Variants in HMX1 observed in about 807,000 individuals in gnomAD.
The protein encoded by HMX1 is H6 family homeobox 1, also known as homeobox protein HMX1.
HMX1 carries 8 observed loss-of-function variants against 8.9 expected under a neutral mutation model. That is an observed-to-expected ratio of 0.90 (90% CI 0.53 to 1.63). The LOEUF (loss-of-function observed/expected upper bound fraction) is 1.63. Among genes scored for constraint, HMX1 ranks in the 40% most tolerant of loss-of-function variants. The probability of loss-of-function intolerance (pLI) is 0.00; values close to 1 mark genes in which losing one functional copy is unlikely to be tolerated. For synonymous variants in HMX1, 311 were observed against 283.4 expected (o/e 1.10, Z -0.98); for missense variants, 621 against 558.5 (o/e 1.11, Z -1.13).
chr4:8,848,491 C>T lies in HMX1; in HGVS notation c.395-2167G>A, dbSNP rs955206277. Among the ~76,000 whole-genome samples the T allele has an allele frequency of 4.6e-5, 7 of 152,142 alleles. No homozygotes were observed. Among genetic ancestry groups the T allele is most frequent in the African/African-American group, 1.7e-4 (7 of 41,414 alleles). On this transcript the variant is annotated intron_variant, in intron 1 of 1. Transcript: ENST00000506970. This position sits in a 1 kb window ranked among gnomAD's most constrained non-coding sequence, Gnocchi z 4.1. ...ATCTAGGCAGAGTACTTGGAATGCC[C>T]TAGTTCAATCCCCTTGTTTTACAAA...
chr4:8,850,116 A>T (rs1721399751), intron 1 of HMX1, among the ~76,000 whole-genome samples: 1 of 152,198 alleles, frequency 6.6e-6, no homozygotes, highest in African/African-American at 2.4e-5. Flanking sequence ...GAGTGAAGGT[A>T]GACAGGGTGC....
chr4:8,857,819 C>A (rs1314330211), intron 1 of HMX1, among the ~76,000 whole-genome samples: 1 of 152,154 alleles, frequency 6.6e-6, no homozygotes, highest in Non-Finnish European at 1.5e-5. Flanking sequence ...CCTCCCCTTG[C>A]CCTTGCCCCT....
chr4:8,852,062 C>T (rs1276249476), intron 1 of HMX1, among the ~76,000 whole-genome samples: 1 of 152,250 alleles, frequency 6.6e-6, no homozygotes, highest in Non-Finnish European at 1.5e-5. Flanking sequence ...TCCAGGGTCT[C>T]CACCTCTCCT....
intron 1 of HMX1, among the ~76,000 whole-genome samples, chr4:8,869,751 CA>C (rs1307799314): frequency 6.6e-6 from 1 of 152,150 alleles, no homozygotes; most frequent in Non-Finnish European, 1.5e-5. Flanking sequence ...TGTGCTGCCA[CA>C]AGGCACTAGG....
chr4:8,864,556 CAG>C (rs1479054127), downstream of HMX1, among the ~76,000 whole-genome samples: 1 of 152,234 alleles, frequency 6.6e-6, no homozygotes, highest in Non-Finnish European at 1.5e-5. Flanking sequence ...GCTCAGGACT[CAG>C]AGGGGCCAGG....
intron 1 of HMX1, among the ~76,000 whole-genome samples, chr4:8,857,859 T>A (rs1721664235): frequency 6.6e-6 from 1 of 151,926 alleles, no homozygotes; most frequent in Non-Finnish European, 1.5e-5. Flanking sequence ...TCCAGGGTCA[T>A]CCACACGCGC....
chr4:8,871,436 G>A lies in HMX1; in HGVS notation c.179C>T (p.Ala60Val), dbSNP rs1189410094. ...DDPEDEDAEQ[A>V]RRRRLQRRRQ... ...CCGCCGCTGTAGCCGTCGCCGCCGC[G>A]CCTGCTCGGCGTCCTCGTCTTCGGG... is the stretch of plus-strand genomic sequence containing the variant. Residue 60 changes from alanine to valine, a missense_variant, in exon 1 of 2, where the codon GCG (alanine) becomes GTG (valine). Ala to Val is a moderately conservative substitution (Grantham distance 64). Coordinates refer to ENST00000400677, the MANE Select transcript of HMX1 (RefSeq NM_018942.3). This position sits in a 1 kb window ranked among gnomAD's most constrained non-coding sequence, Gnocchi z 4.8. 3 of 1,323,560 alleles carry A rather than the reference G, an allele frequency of 2.3e-6. No homozygotes were observed. The highest frequency in any genetic ancestry group is 3.3e-5 in the Admixed American group (1 of 30,542). 82.0% of individuals were successfully genotyped at this position (1,323,560 alleles called of 1,614,324 possible).
downstream of HMX1, among the ~76,000 whole-genome samples, chr4:8,866,235 TG>T (rs892277221): frequency 3.4e-4 from 52 of 152,324 alleles, no homozygotes; most frequent in African/African-American, 1.2e-3. Flanking sequence ...CTTGGCCGTC[TG>T]GCGCTACCTT....
intron 1 of HMX1, among the ~76,000 whole-genome samples, chr4:8,861,578 C>G (rs1368434656): frequency 2.0e-5 from 3 of 152,162 alleles, no homozygotes; most frequent in Non-Finnish European, 2.9e-5. Context: ...AGAAGACAGG[C>G]GAAGGGGACC....
rs889196143 is a variant in HMX1, at chr4:8,867,534, C to A, written c.*159G>T. The stretch of plus-strand genomic sequence containing the variant: ...ATTCTAGAGGCGCTCCCCACAGAAG[C>A]TGAGGCCCGCCCGGCCGCGGCCTGC... On this transcript the variant is annotated 3_prime_UTR_variant, in exon 2 of 2. Coordinates refer to ENST00000400677, the MANE Select transcript of HMX1 (RefSeq NM_018942.3). 8.4e-7 allele frequency: 1 copy of A among 1,186,958 alleles called. No homozygotes were observed. 73.5% of individuals were successfully genotyped at this position (1,186,958 alleles called of 1,614,324 possible). A position where few individuals can be genotyped will look rare whatever the true frequency, so the allele number is the denominator to read the frequency against.
Position 8,871,301 on chromosome 4 carries a change from G to C in HMX1, c.314C>G (p.Pro105Arg). The C allele has an allele frequency of 7.0e-7, 1 of 1,433,134 alleles. No individual in the cohort carries two copies. Among genetic ancestry groups the C allele is most frequent in the Admixed American group, 2.7e-5 (1 of 36,428 alleles). The allele number at this position is 1,433,134 out of a possible 1,614,324, so 88.8% of individuals were successfully genotyped here. The change falls in exon 1 of 2, where the codon CCC (proline) becomes CGC (arginine). Residue 105 changes from proline to arginine, a missense_variant. Pro to Arg is a moderately radical substitution (Grantham distance 103, BLOSUM62 -2). Coordinates refer to ENST00000400677, the MANE Select transcript of HMX1 (RefSeq NM_018942.3). This position sits in a 1 kb window ranked among gnomAD's most constrained non-coding sequence, Gnocchi z 4.8. The part of the protein sequence containing the change: ...GPRPPPGPGP[P>R]FALGCGGAAR... ...TGCGCCTCCGCAGCCCAGAGCGAAG[G>C]GCGGCCCGGGACCGGGGGGCGGCCG...
At chr4:8,855,475 G>C (rs1295210890) in intron 1 of HMX1, among the ~76,000 whole-genome samples, 1 of 152,206 alleles carries the variant, frequency 6.6e-6, no homozygotes, top group East Asian at 1.9e-4. Context: ...TGAGACTGCT[G>C]GGGGCCAGGC....
downstream of HMX1, among the ~76,000 whole-genome samples, chr4:8,862,715 A>G (rs749366186): frequency 6.6e-6 from 1 of 152,232 alleles, no homozygotes; most frequent in Non-Finnish European, 1.5e-5. Context: ...CTTCACTGCA[A>G]TGTCCAGATA....
rs1722031413 is a variant in HMX1 at position 8,867,291 on chromosome 4, G to C, written c.*402C>G. The C allele has an allele frequency of 1.6e-5, 16 of 988,498 alleles. No homozygotes were observed. The highest frequency in any genetic ancestry group is 1.9e-5 in the Non-Finnish European group (16 of 832,092). 61.2% of individuals were successfully genotyped at this position (988,498 alleles called of 1,614,324 possible). A position where few individuals can be genotyped will look rare whatever the true frequency, so the allele number is the denominator to read the frequency against. On this transcript the variant is annotated 3_prime_UTR_variant, in exon 2 of 2. Coordinates refer to ENST00000400677, the MANE Select transcript of HMX1 (RefSeq NM_018942.3). ...GTTTAGTGTTGGGGGCAGTCTGTGG[G>C]GACAGTCACCGCTCAGCCTTGGACA...
chr4:8,854,579 T>C (rs1235532272), intron 1 of HMX1, among the ~76,000 whole-genome samples: 1 of 152,204 alleles, frequency 6.6e-6, no homozygotes, highest in Non-Finnish European at 1.5e-5. Context: ...TCCTCAACAC[T>C]GCCACATCGG....
At chr4:8,864,439 G>T (rs573858251), downstream of HMX1, among the ~76,000 whole-genome samples, 2 of 152,340 alleles carry the variant, frequency 1.3e-5, no homozygotes, top group Middle Eastern at 3.4e-3. Context: ...AACCCGCGAG[G>T]GGGGAGGGTG....
At position 8,867,663 on chromosome 4, in the gene HMX1, G is replaced by T; in HGVS notation, c.*30C>A. 1 of 1,236,182 alleles carries T rather than the reference G, an allele frequency of 8.1e-7. No individual in the cohort carries two copies. The highest frequency in any genetic ancestry group is 1.0e-6 in the Non-Finnish European group (1 of 989,972). The allele number at this position is 1,236,182 out of a possible 1,614,324, so 76.6% of individuals were successfully genotyped here. On this transcript the variant is annotated 3_prime_UTR_variant, in exon 2 of 2. Transcript: ENST00000400677. Reference sequence around the variant, plus strand: ...TCGCGCGTCCACACAGGTCCACAGGGTCGTGGGGAGAGGGCCCGGCAGGCG... The same window carrying T: ...TCGCGCGTCCACACAGGTCCACAGGTTCGTGGGGAGAGGGCCCGGCAGGCG...
downstream of HMX1, among the ~76,000 whole-genome samples, chr4:8,863,300 A>G (rs1033914199): frequency 1.3e-5 from 2 of 152,164 alleles, no homozygotes; most frequent in African/African-American, 2.4e-5. Context: ...ACAAGTTGCA[A>G]GGTGGGGCGG....
Position 8,867,709 on chromosome 4 carries a change from A to T in HMX1, c.1031T>A (p.Met344Lys). 1.6e-6 allele frequency: 2 copies of T among 1,276,604 alleles called. No homozygotes were observed. Among genetic ancestry groups the T allele is most frequent in the Non-Finnish European group, 2.0e-6 (2 of 1,015,576 alleles). 79.1% of individuals were successfully genotyped at this position (1,276,604 alleles called of 1,614,324 possible). A position where few individuals can be genotyped will look rare whatever the true frequency, so the allele number is the denominator to read the frequency against. Residue 344 changes from methionine to lysine, a missense_variant, in exon 2 of 2, where the codon ATG (methionine) becomes AAG (lysine). By Grantham distance (95) the Met-to-Lys change is moderately conservative. Transcript: ENST00000400677. ...AGGCGGGGCTCACACCAGGCCAGGC[A>T]TCTGCGCCCGCAGAAAGGGCACGGA... ...AASVPFLRAQ[M>K]PGLV
Sources: gnomAD v4.1 joint callset for allele counts (sites outside exome capture counted in the v4.1 genomes callset) on GRCh38, gnomAD v4.1.1 for gene constraint, Gnocchi (gnomAD v3.1) non-coding constraint, MANE v1.5 for transcripts, NCBI Gene and HGNC (gene_info 2026-07-23, HGNC 2026-07-21) for gene names.